Variants in PTPRD observed in about 807,000 individuals in gnomAD.
The protein encoded by PTPRD is receptor-type tyrosine-protein phosphatase delta.
In PTPRD, 34 loss-of-function variants were observed where a neutral mutation model predicts 214.5. That is an observed-to-expected ratio of 0.16 (90% CI 0.12 to 0.21). The LOEUF (loss-of-function observed/expected upper bound fraction) is 0.21, where lower values mean the gene tolerates loss of function less well. PTPRD is among the 10% of genes least tolerant of loss of function. The pLI is 1.00. For synonymous variants in PTPRD, 1,128 were observed against 845.7 expected, an observed-to-expected ratio of 1.33 and a Z score of -5.79; for missense variants, 2,545 against 2,398.7, an observed-to-expected ratio of 1.06 and a Z score of -1.27.
intron 11 of PTPRD, among the ~76,000 whole-genome samples, chr9:8,835,427 C>T (rs1024780673): frequency 6.6e-6 from 1 of 152,238 alleles, no homozygotes; most frequent in African/African-American, 2.4e-5. Context: ...TTCTTAGAGT[C>T]TCCCTTGACC....
At chr9:9,074,693 C>T (rs1286466076) in intron 10 of PTPRD, among the ~76,000 whole-genome samples, 2 of 151,760 alleles carry the variant, frequency 1.3e-5, no homozygotes, top group African/African-American at 4.8e-5. Flanking sequence ...AGCTTTTGCC[C>T]ATTTTTAAAT....
intron 7 of PTPRD, among the ~76,000 whole-genome samples, chr9:9,630,083 C>A (rs2095543303): frequency 6.6e-6 from 1 of 152,072 alleles, no homozygotes; most frequent in South Asian, 2.1e-4. Context: ...GGGACCACCA[C>A]AAGAAAAAGG....
chr9:8,821,836 TG>T (rs2097072829), intron 11 of PTPRD, among the ~76,000 whole-genome samples: 1 of 152,190 alleles, frequency 6.6e-6, no homozygotes, highest in Non-Finnish European at 1.5e-5. Flanking sequence ...CACTAATTTT[TG>T]TATTTTTAGT....
intron 35 of PTPRD, among the ~76,000 whole-genome samples, chr9:8,427,049 G>A (rs953827237): frequency 1.3e-5 from 2 of 152,062 alleles, no homozygotes; most frequent in African/African-American, 2.4e-5. Flanking sequence ...CACTGGGAGG[G>A]GACTCTGTAC....
chr9:8,340,144 T>G (rs932114323), intron 42 of PTPRD, among the ~76,000 whole-genome samples, 199 bp downstream of exon 42: 14 of 152,144 alleles, frequency 9.2e-5, no homozygotes, highest in African/African-American at 3.1e-4. Flanking sequence ...CACTAGATCT[T>G]TCTTTAAAAC....
At chr9:9,802,884 T>C (rs1192867718) in intron 5 of PTPRD, among the ~76,000 whole-genome samples, 1 of 151,868 alleles carries the variant, frequency 6.6e-6, no homozygotes, top group African/African-American at 2.4e-5. Context: ...TCTTTTGCAT[T>C]ACACTAATAA....
intron 3 of PTPRD, among the ~76,000 whole-genome samples, chr9:10,070,779 A>T (rs1290944806): frequency 6.6e-6 from 1 of 151,650 alleles, no homozygotes; most frequent in African/African-American, 2.4e-5. Flanking sequence ...TATGTGTAAG[A>T]CTCTCCACCG....
At position 9,586,932 on chromosome 9, in the gene PTPRD, C is replaced by T. The variant is rs142938716; in HGVS notation, c.-286-12151G>A. The stretch of plus-strand genomic sequence containing the variant: ...CAATTAGCAAGCATTTATTGAACAT[C>T]TATGTTCCTAAGTGTCATTTCAGAT... On this transcript the variant is annotated intron_variant, in intron 7 of 45. Transcript: ENST00000381196. Among the ~76,000 whole-genome samples the T allele has an allele frequency of 5.9e-3, 901 of 152,050 alleles. 5 individuals carry two copies. Among genetic ancestry groups the T allele is most frequent in the Non-Finnish European group, 9.7e-3 (657 of 67,932 alleles).
intron 14 of PTPRD, among the ~76,000 whole-genome samples, chr9:8,630,603 C>T (rs1442344774): frequency 2.0e-5 from 3 of 151,770 alleles, no homozygotes; most frequent in African/African-American, 7.3e-5. Context: ...AACTGCTCAA[C>T]ATAGTCTTTA....
intron 5 of PTPRD, among the ~76,000 whole-genome samples, chr9:9,937,812 AT>A (rs1409277724): frequency 1.3e-5 from 2 of 152,214 alleles, no homozygotes; most frequent in African/African-American, 4.8e-5. Flanking sequence ...ATTTAAAAAA[AT>A]AAGCTGTATA....
intron 3 of PTPRD, among the ~76,000 whole-genome samples, chr9:10,304,373 C>A (rs2095981482): frequency 6.6e-6 from 1 of 152,140 alleles, no homozygotes; most frequent in African/African-American, 2.4e-5. Context: ...TGCCCTCTCT[C>A]TCCACTCCTA....
intron 5 of PTPRD, among the ~76,000 whole-genome samples, chr9:9,815,489 T>C (rs973119182): frequency 5.9e-5 from 9 of 151,926 alleles, no homozygotes; most frequent in Admixed American, 5.2e-4. Context: ...GAAAGCAAAG[T>C]CAACAAAAGC....
chr9:8,494,832 T>G (rs563469861), intron 26 of PTPRD, among the ~76,000 whole-genome samples: 1 of 152,268 alleles, frequency 6.6e-6, no homozygotes, highest in South Asian at 2.1e-4. Context: ...TGGATTACAT[T>G]TTCTTTCTTT....
intron 6 of PTPRD, among the ~76,000 whole-genome samples, chr9:9,754,184 G>A (rs892054186): frequency 6.6e-6 from 1 of 152,038 alleles, no homozygotes; most frequent in South Asian, 2.1e-4. Context: ...TTAATGACAA[G>A]GGAACTGGAG....
At chr9:9,042,873 G>A (rs1395755920) in intron 10 of PTPRD, among the ~76,000 whole-genome samples, 3 of 152,092 alleles carry the variant, frequency 2.0e-5, no homozygotes, top group African/African-American at 7.2e-5. Context: ...CATAGGCAAT[G>A]GTAGCTGCAG....
chr9:10,566,725 G>GT (rs1395962018), intron 2 of PTPRD, among the ~76,000 whole-genome samples: 2 of 151,684 alleles, frequency 1.3e-5, no homozygotes, highest in Non-Finnish European at 1.5e-5. Flanking sequence ...CATGGTTTGC[G>GT]TTTTTTTGCG....
chr9:9,584,112 A>G (rs961722435), intron 7 of PTPRD, among the ~76,000 whole-genome samples: 1 of 151,930 alleles, frequency 6.6e-6, no homozygotes, highest in African/African-American at 2.4e-5. Context: ...CTCAGACCCC[A>G]TCCCAAAAAC....
At chr9:8,343,856 G>A (rs34398376) in intron 39 of PTPRD, among the ~76,000 whole-genome samples, 5 of 151,990 alleles carry the variant, frequency 3.3e-5, no homozygotes, top group African/African-American at 4.8e-5. Context: ...TGAGCAGCCC[G>A]TCCCGGTAAG....
At chr9:8,900,691 G>C (rs2098661056) in intron 11 of PTPRD, among the ~76,000 whole-genome samples, 1 of 152,090 alleles carries the variant, frequency 6.6e-6, no homozygotes, top group East Asian at 1.9e-4. Context: ...TCTTTCTGTA[G>C]AATCTTCAAA....
Sources: allele counts gnomAD v4.1 joint callset (sites outside exome capture counted in the v4.1 genomes callset), GRCh38; gene constraint gnomAD v4.1.1; transcripts MANE v1.5; gene names NCBI Gene and HGNC (gene_info 2026-07-23, HGNC 2026-07-21).